NGF: variants seen among roughly 807,000 people sequenced by gnomAD.
The protein encoded by NGF is beta-nerve growth factor.
A neutral mutation model predicts 12.8 loss-of-function variants in NGF; 4 were observed. The observed-to-expected ratio is 0.31, with a 90% CI of 0.15 to 0.72. The LOEUF (loss-of-function observed/expected upper bound fraction) is 0.72, where lower values mean the gene tolerates loss of function less well. Among genes scored for constraint, NGF ranks in the 30% least tolerant of loss-of-function variants. The probability of loss-of-function intolerance (pLI) is 0.69; values close to 1 mark genes in which losing one functional copy is unlikely to be tolerated. For missense variants in NGF, 283 were observed against 330.8 expected, an observed-to-expected ratio of 0.86 and a Z score of 1.12; for synonymous variants, 140 against 130.0, an observed-to-expected ratio of 1.08 and a Z score of -0.52.
chr1:115,293,162 A>G (rs1389681477), intron 2 of NGF, among the ~76,000 whole-genome samples: 2 of 152,190 alleles, frequency 1.3e-5, no homozygotes, highest in African/African-American at 2.4e-5. Flanking sequence ...AAGTAATTGC[A>G]TCACAGGTAC....
chr1:115,286,756 T>C lies in NGF; in HGVS notation c.40A>G (p.Ile14Val). The C allele has an allele frequency of 6.2e-7, 1 of 1,614,098 alleles. No homozygotes were observed. Among genetic ancestry groups the C allele is most frequent in the Non-Finnish European group, 8.5e-7 (1 of 1,180,016 alleles). ...LFYTLITAFL[I>V]GIQAEPHSES... ...GAGTGTGGTTCCGCCTGTATGCCGA[T>C]CAGAAAAGCTGTGATCAGAGTGTAG... Residue 14 changes from isoleucine to valine, a missense_variant, in exon 3 of 3, where the codon ATC (isoleucine) becomes GTC (valine). Ile to Val is a conservative substitution (Grantham distance 29). Around this residue, in one of 2 missense-constraint regions of NGF, gnomAD observed 151 missense variants for 141.6 expected, o/e 1.07. Transcript: ENST00000369512.
intron 1 of NGF, among the ~76,000 whole-genome samples, chr1:115,335,591 C>T (rs993385539): frequency 8.5e-5 from 13 of 152,178 alleles, no homozygotes; most frequent in African/African-American, 3.1e-4. Flanking sequence ...TTATGCAAGC[C>T]GTCAGCAAAC....
chr1:115,298,099 G>A (rs924745541), intron 1 of NGF, among the ~76,000 whole-genome samples: 13 of 152,214 alleles, frequency 8.5e-5, no homozygotes, highest in Non-Finnish European at 1.8e-4. Context: ...AAATATAGTT[G>A]ACAAACCCTC....
chr1:115,330,077 G>C (rs1393134326), intron 1 of NGF, among the ~76,000 whole-genome samples: 1 of 152,074 alleles, frequency 6.6e-6, no homozygotes, highest in African/African-American at 2.4e-5. Flanking sequence ...AACATTTTCT[G>C]TTCTCTGCTC....
intron 2 of NGF, among the ~76,000 whole-genome samples, chr1:115,287,080 G>A (rs1461535587): frequency 6.6e-6 from 1 of 152,174 alleles, no homozygotes; most frequent in Admixed American, 6.5e-5. Flanking sequence ...CCAGTAGTTC[G>A]ATATGAGCTT....
At chr1:115,299,038 A>G (rs1653956693) in intron 1 of NGF, among the ~76,000 whole-genome samples, 1 of 152,206 alleles carries the variant, frequency 6.6e-6, no homozygotes, top group Non-Finnish European at 1.5e-5. Flanking sequence ...TATGAAATAT[A>G]ATATGAGGTT....
At chr1:115,302,312 T>A (rs2101033877) in intron 1 of NGF, among the ~76,000 whole-genome samples, 1 of 152,338 alleles carries the variant, frequency 6.6e-6, no homozygotes, top group East Asian at 1.9e-4. Context: ...AGACCCTCGT[T>A]CCACCTTCTT....
intron 1 of NGF, among the ~76,000 whole-genome samples, chr1:115,306,457 T>A (rs11102921): frequency 0.015 from 2,279 of 152,240 alleles, 66 homozygotes; most frequent in African/African-American, 0.052. Context: ...ATCAGTGGTA[T>A]GTTGTTTGTT....
intron 1 of NGF, among the ~76,000 whole-genome samples, chr1:115,328,194 A>G (rs1654825697): frequency 6.6e-6 from 1 of 151,922 alleles, no homozygotes; most frequent in South Asian, 2.1e-4. Context: ...GCCCTGGGGG[A>G]ACAAGGGTGA....
chr1:115,321,341 G>A (rs1358225935), intron 1 of NGF, among the ~76,000 whole-genome samples: 1 of 152,118 alleles, frequency 6.6e-6, no homozygotes, highest in East Asian at 1.9e-4. Flanking sequence ...CTGAGCCCTG[G>A]GCTGGGTGGG....
chr1:115,323,413 A>T (rs1219034569), intron 1 of NGF, among the ~76,000 whole-genome samples: 1 of 152,180 alleles, frequency 6.6e-6, no homozygotes, highest in African/African-American at 2.4e-5. Context: ...GAATGAAAAG[A>T]CAAAGTGGCC....
At chr1:115,303,739 G>A (rs1654114804) in intron 1 of NGF, among the ~76,000 whole-genome samples, 1 of 152,090 alleles carries the variant, frequency 6.6e-6, no homozygotes, top group South Asian at 2.1e-4. Flanking sequence ...CACTTCCAAA[G>A]GGTTAAAGAA....
chr1:115,297,674 T>C (rs1653913020), intron 1 of NGF, among the ~76,000 whole-genome samples: 1 of 152,218 alleles, frequency 6.6e-6, no homozygotes, highest in South Asian at 2.1e-4. Context: ...ACCTGATAAC[T>C]CTGTCAATCA....
intron 1 of NGF, among the ~76,000 whole-genome samples, chr1:115,303,452 TCAC>T (rs1378282442): frequency 1.3e-5 from 2 of 151,462 alleles, no homozygotes; most frequent in Admixed American, 1.3e-4. Flanking sequence ...AACACCATCA[TCAC>T]CACTACTTTC....
intron 1 of NGF, among the ~76,000 whole-genome samples, chr1:115,304,329 ATTTTT>A (rs58345237): frequency 1.2e-5 from 1 of 80,830 alleles, no homozygotes; most frequent in Non-Finnish European, 2.5e-5. Flanking sequence ...TGCTTGGCTA[ATTTTT>A]TTTTTTTTTT....
chr1:115,333,201 G>A (rs1486910304), intron 1 of NGF, among the ~76,000 whole-genome samples: 2 of 152,100 alleles, frequency 1.3e-5, no homozygotes, highest in African/African-American at 4.8e-5. Context: ...TACTGAAGGA[G>A]CAGCCAAAGG....
At chr1:115,300,242 T>C (rs1261589951) in intron 1 of NGF, among the ~76,000 whole-genome samples, 1 of 152,158 alleles carries the variant, frequency 6.6e-6, no homozygotes, top group Non-Finnish European at 1.5e-5. Context: ...TAAGGATTCA[T>C]AGCCCTGAAA....
intron 1 of NGF, among the ~76,000 whole-genome samples, chr1:115,315,124 T>G (rs1571088075): frequency 6.6e-6 from 1 of 152,164 alleles, no homozygotes; most frequent in African/African-American, 2.4e-5. Flanking sequence ...AGATGACAGC[T>G]GAGGGGAAAC....
At chr1:115,295,749 C>T (rs1028216326) in intron 1 of NGF, among the ~76,000 whole-genome samples, 5 of 152,072 alleles carry the variant, frequency 3.3e-5, no homozygotes, top group Admixed American at 6.5e-5. Context: ...TCTGAGATTC[C>T]GTGACTTTGA....
Sources: allele counts gnomAD v4.1 joint callset (sites outside exome capture counted in the v4.1 genomes callset), GRCh38; gene constraint gnomAD v4.1.1; regional missense constraint gnomAD v4.1.1; transcripts MANE v1.5; gene names NCBI Gene and HGNC (gene_info 2026-07-23, HGNC 2026-07-21).